Variants in POLR3H observed in about 807,000 individuals in gnomAD.
POLR3H encodes DNA-directed RNA polymerase III subunit RPC8.
POLR3H carries 17 observed loss-of-function variants against 25.5 expected under a neutral mutation model. The ratio of observed to expected loss-of-function variants is 0.67; its 90% confidence interval spans 0.46 to 1.00. POLR3H has a LOEUF of 1.00. Among genes scored for constraint, POLR3H ranks in the 50% least tolerant of loss-of-function variants. The pLI, the probability that POLR3H is intolerant of heterozygous loss-of-function variation, is 0.00. For synonymous variants in POLR3H, 129 were observed against 103.0 expected (o/e 1.25, Z -1.53); for missense variants, 274 against 265.0 (o/e 1.03, Z -0.24).
Position 41,532,169 on chromosome 22 carries a change from G to C in POLR3H, c.296-12C>G, listed in dbSNP as rs768151289. 1 of 1,613,770 alleles carries C rather than the reference G, an allele frequency of 6.2e-7. No homozygotes were observed. The highest frequency in any genetic ancestry group is 2.2e-5 in the East Asian group (1 of 44,880). On this transcript the variant is annotated splice_polypyrimidine_tract_variant and intron_variant, in intron 3 of 5. Coordinates refer to ENST00000355209, the MANE Select transcript of POLR3H (RefSeq NM_001018050.4). ...GAAGCCTAGAGAGACTGGAAGGAAG[G>C]AAGCAGGTGACGGCCTGAGATGGGG...
rs1301000174 is a variant in POLR3H, at chr22:41,527,649, T to C, written c.*1634A>G. On this transcript the variant is annotated 3_prime_UTR_variant, in exon 6 of 6. Transcript: ENST00000355209. The stretch of plus-strand genomic sequence containing the variant: ...CTTGTAGATCTGAGCCGCTGAGATC[T>C]AGGACATGTGCCAGGGGGTTCTTTC... 3.8e-6 allele frequency: 3 copies of C among 794,016 alleles called. No individual in the cohort carries two copies. Among genetic ancestry groups the C allele is most frequent in the African/African-American group, 3.5e-5 (2 of 57,142 alleles). 49.2% of individuals were successfully genotyped at this position (794,016 alleles called of 1,614,324 possible). A position where few individuals can be genotyped will look rare whatever the true frequency, so the allele number is the denominator to read the frequency against.
At chr22:41,530,622 G>T (rs2066708510) in intron 5 of POLR3H, 65 bp downstream of exon 5, 8 of 1,456,038 alleles carry the variant, frequency 5.5e-6, no homozygotes, top group Non-Finnish European at 7.4e-6. Flanking sequence ...CCAGGACACA[G>T]CTTCCAGCCC....
rs747871889 is a variant in POLR3H, at chr22:41,544,068, G to A, written c.34C>T (p.Arg12Trp). ...CTCTCAAACTGCCAAGGGGGGATCCGGACGGTGTCCACCATTTCCACCAGG... is the reference window on the plus strand; with the variant it reads ...CTCTCAAACTGCCAAGGGGGGATCCAGACGGTGTCCACCATTTCCACCAGG... Reference protein sequence around the residue: ...FVLVEMVDTVRIPPWQFERKL... With the variant: ...FVLVEMVDTVWIPPWQFERKL... The change falls in exon 1 of 6, where the codon CGG becomes TGG. Residue 12 changes from arginine to tryptophan, a missense_variant. By Grantham distance (101) the Arg-to-Trp change is moderately radical. Transcript: ENST00000355209. The A allele has an allele frequency of 1.9e-6, 3 of 1,607,754 alleles. No homozygotes were observed. The highest frequency in any genetic ancestry group is 3.3e-5 in the Admixed American group (2 of 59,848).
chr22:41,532,530 G>C (rs979061673), intron 3 of POLR3H, 129 bp downstream of exon 3: 1 of 1,531,514 alleles, frequency 6.5e-7, no homozygotes, highest in Non-Finnish European at 8.8e-7. Flanking sequence ...GGGTGGGCAA[G>C]CTTCTCTGAC....
chr22:41,528,449 C>T lies in POLR3H; in HGVS notation c.*834G>A, dbSNP rs370100039. The T allele has an allele frequency of 3.2e-5, 52 of 1,609,420 alleles. No homozygotes were observed. The highest frequency in any genetic ancestry group is 4.4e-5 in the Non-Finnish European group (52 of 1,178,824). ...GGCCAAGGGCACACAGTACCCACCA[C>T]TTCCACCCACACCCACCTTCTCCTT... On this transcript the variant is annotated 3_prime_UTR_variant, in exon 6 of 6. Transcript: ENST00000355209.
rs2066618234 is a variant in POLR3H at position 41,527,202 on chromosome 22, G to A, written c.*2081C>T. 3 of 1,600,780 alleles carry A rather than the reference G, an allele frequency of 1.9e-6. No individual in the cohort carries two copies. The Admixed American group carries it at 5.1e-5, about 27-fold the overall frequency. ...GGAGCCTCAGGATGCCCAGGCGCCA[G>A]GTGGGTGAGGCCAGGCAGGTAGGGC... On this transcript the variant is annotated 3_prime_UTR_variant, in exon 6 of 6. Transcript: ENST00000355209.
In POLR3H at chr22:41,528,053, GGGT is replaced by G. The variant is rs1569026590; in HGVS notation, c.*1227_*1229del. The G allele has an allele frequency of 6.2e-7, 1 of 1,613,674 alleles. No individual in the cohort carries two copies. Among genetic ancestry groups the G allele is most frequent in the Non-Finnish European group, 8.5e-7 (1 of 1,179,938 alleles). On this transcript the variant is annotated 3_prime_UTR_variant, in exon 6 of 6. Transcript: ENST00000355209. The stretch of plus-strand genomic sequence containing the variant: ...GGGCCCGGGTCCCCCTGAGGTGGTG[GGGT>G]GAGGGGCAGCCACCTTGTTTCCCCT...
intron 1 of POLR3H, among the ~76,000 whole-genome samples, chr22:41,543,206 G>C (rs1359758068): frequency 6.6e-6 from 1 of 152,178 alleles, no homozygotes; most frequent in African/African-American, 2.4e-5. Flanking sequence ...GCAGTGGGAA[G>C]ACCTCTCAGC....
intron 2 of POLR3H, among the ~76,000 whole-genome samples, chr22:41,537,285 AT>A (rs1364143472): frequency 1.8e-4 from 25 of 140,270 alleles, no homozygotes; most frequent in African/African-American, 6.1e-4. Flanking sequence ...TATTACTGTT[AT>A]TATACTGTGT....
Position 41,528,249 on chromosome 22 carries a change from C to A in POLR3H, c.*1034G>T. The A allele has an allele frequency of 2.4e-6, 2 of 835,044 alleles. No homozygotes were observed. The highest frequency in any genetic ancestry group is 1.8e-6 in the Non-Finnish European group (1 of 549,738). The allele number at this position is 835,044 out of a possible 1,614,324, so 51.7% of individuals were successfully genotyped here. A position where few individuals can be genotyped will look rare whatever the true frequency, so the allele number is the denominator to read the frequency against. The stretch of plus-strand genomic sequence containing the variant: ...CCCAACCTCCCTTTACTCACCAGGA[C>A]CTGGCACTCAGGGGACAGCCCACCC... On this transcript the variant is annotated 3_prime_UTR_variant, in exon 6 of 6. Transcript: ENST00000355209.
At chr22:41,543,969 C>T (rs771618503) in intron 1 of POLR3H, 22 bp downstream of exon 1, 5 of 1,576,564 alleles carry the variant, frequency 3.2e-6, no homozygotes, top group Non-Finnish European at 4.4e-6. Flanking sequence ...CAAGGCCTGC[C>T]CGCGAGCCGT....
At chr22:41,532,840 G>A (rs1436972873) in intron 2 of POLR3H, 95 bp from the exon 3 acceptor site, 3 of 1,337,124 alleles carry the variant, frequency 2.2e-6, no homozygotes, top group African/African-American at 2.9e-5. Flanking sequence ...GGCCTGTGTG[G>A]CTGCTCCATG....
At chr22:41,529,971 G>C (rs203314) in intron 5 of POLR3H, among the ~76,000 whole-genome samples, 1 of 151,902 alleles carries the variant, frequency 6.6e-6, no homozygotes, top group Non-Finnish European at 1.5e-5. Context: ...TAGCCAGGAT[G>C]GTCTCAATCT....
rs376550737 is a variant in POLR3H, at chr22:41,530,884, C to T, written c.364G>A (p.Glu122Lys). The T allele has an allele frequency of 2.2e-5, 36 of 1,613,620 alleles. No individual in the cohort carries two copies. Among genetic ancestry groups the T allele is most frequent in the Non-Finnish European group, 2.8e-5 (33 of 1,180,024 alleles). ...ESLQQPAKFD[E>K]AEQVWVWEYE... ...TCCCACACCCACACCTGCTCCGCTT[C>T]GTCGCTGAGGGGGTCCAGGGTCAAG... The change falls in exon 5 of 6, where the codon GAA becomes AAA. Residue 122 changes from glutamate to lysine, a missense_variant. Transcript: ENST00000355209.
At chr22:41,539,993 C>A (rs1222073086) in intron 2 of POLR3H, 3 of 165,624 alleles carry the variant, frequency 1.8e-5, no homozygotes, top group Non-Finnish European at 2.7e-5. Flanking sequence ...TCACAATGGT[C>A]TTAGAATATA....
intron 1 of POLR3H, among the ~76,000 whole-genome samples, chr22:41,542,003 C>G (rs1412379770): frequency 6.6e-6 from 1 of 152,118 alleles, no homozygotes; most frequent in African/African-American, 2.4e-5. Context: ...TGTGGCCTGG[C>G]CCCCACCCAC....
At chr22:41,542,725 G>A (rs1440382416) in intron 1 of POLR3H, among the ~76,000 whole-genome samples, 4 of 152,092 alleles carry the variant, frequency 2.6e-5, no homozygotes, top group African/African-American at 9.7e-5. Context: ...ACAAATGGCC[G>A]GGCACGGTGG....
At chr22:41,542,215 C>G (rs2066940359) in intron 1 of POLR3H, among the ~76,000 whole-genome samples, 1 of 152,258 alleles carries the variant, frequency 6.6e-6, no homozygotes, top group South Asian at 2.1e-4. Flanking sequence ...TCCCAAGTAG[C>G]CGGGATTACA....
chr22:41,526,241 C>CCTCTCTA lies in POLR3H; in HGVS notation c.*3035_*3041dup, dbSNP rs758197748. Reference sequence around the variant, plus strand: ...TCCAGGGCCATGCCCTGACCTCTGTCCTCTCTACTTACCACCCAAGGTCAA... The same window carrying CCTCTCTA: ...TCCAGGGCCATGCCCTGACCTCTGTCCTCTCTACTCTCTACTTACCACCCAAGGTCAA... On this transcript the variant is annotated 3_prime_UTR_variant, in exon 6 of 6. Coordinates refer to ENST00000355209, the MANE Select transcript of POLR3H (RefSeq NM_001018050.4). The CCTCTCTA allele has an allele frequency of 6.8e-5, 110 of 1,606,788 alleles. No individual in the cohort carries two copies. The Middle Eastern group carries it at 2.2e-3, about 33-fold the overall frequency.
Sources: gnomAD v4.1 joint callset for allele counts (sites outside exome capture counted in the v4.1 genomes callset) on GRCh38, gnomAD v4.1.1 for gene constraint, MANE v1.5 for transcripts, NCBI Gene and HGNC (gene_info 2026-07-23, HGNC 2026-07-21) for gene names.